Variants in IGSF11 observed in about 807,000 individuals in gnomAD.
IGSF11 encodes immunoglobulin superfamily member 11, also known as CXADR like 1.
In IGSF11, 22 loss-of-function variants were observed where a neutral mutation model predicts 41.0. That is an observed-to-expected ratio of 0.54 (90% CI 0.38 to 0.77). The LOEUF (loss-of-function observed/expected upper bound fraction) is 0.77. Among genes scored for constraint, IGSF11 ranks in the 30% least tolerant of loss-of-function variants. The pLI is 0.00. For missense variants in IGSF11, 444 were observed against 530.8 expected, an observed-to-expected ratio of 0.84 and a Z score of 1.61; for synonymous variants, 219 against 201.3, an observed-to-expected ratio of 1.09 and a Z score of -0.74.
chr3:119,010,077 A>AAAGTCATG (rs1695144060), intron 1 of IGSF11, among the ~76,000 whole-genome samples: 1 of 152,246 alleles, frequency 6.6e-6, no homozygotes, highest in Admixed American at 6.5e-5. Context: ...AAAAGTAGAG[A>AAAGTCATG]AAGTCATGCA....
intron 1 of IGSF11, among the ~76,000 whole-genome samples, chr3:119,097,185 G>A (rs927461094): frequency 6.6e-6 from 1 of 152,058 alleles, no homozygotes; most frequent in African/African-American, 2.4e-5. Context: ...ACATCTTTGG[G>A]AGCCCCTATT....
At position 118,940,908 on chromosome 3, in the gene IGSF11, C is replaced by CAA. The variant is rs374776493; in HGVS notation, c.53-10635_53-10634dup. On this transcript the variant is annotated intron_variant, in intron 1 of 6. Coordinates refer to ENST00000393775, the MANE Select transcript of IGSF11 (RefSeq NM_001015887.3). The stretch of plus-strand genomic sequence containing the variant: ...GGGGGAAAAAATAATCTCCATATGC[C>CAA]AAAAAAAAAAAAAAAAACACCTCTA... Among the ~76,000 whole-genome samples, 57 of 99,854 alleles carry CAA rather than the reference C, an allele frequency of 5.7e-4. 1 individual carries two copies. The highest frequency in any genetic ancestry group is 9.0e-4 in the Non-Finnish European group (39 of 43,526). The allele number at this position is 99,854 out of a possible 152,430, so 65.5% of individuals were successfully genotyped here. A position where few individuals can be genotyped will look rare whatever the true frequency, so the allele number is the denominator to read the frequency against.
intron 1 of IGSF11, among the ~76,000 whole-genome samples, chr3:119,084,798 G>C (rs553692563): frequency 6.6e-6 from 1 of 152,202 alleles, no homozygotes; most frequent in African/African-American, 2.4e-5. Context: ...CCAGAACCCA[G>C]TCCTGAGGAC....
At chr3:119,052,370 C>T (rs986963219) in intron 1 of IGSF11, among the ~76,000 whole-genome samples, 1 of 150,570 alleles carries the variant, frequency 6.6e-6, no homozygotes, top group African/African-American at 2.4e-5. Flanking sequence ...ATCCCAGCTA[C>T]TCAGGAGGCT....
chr3:119,104,413 G>A (rs1314404141), intron 1 of IGSF11, among the ~76,000 whole-genome samples: 1 of 152,062 alleles, frequency 6.6e-6, no homozygotes, highest in Non-Finnish European at 1.5e-5. Context: ...TCTTTGCCTG[G>A]AATAGGCTTC....
At chr3:118,972,056 A>G (rs557664454) in intron 1 of IGSF11, among the ~76,000 whole-genome samples, 2 of 152,202 alleles carry the variant, frequency 1.3e-5, no homozygotes, top group African/African-American at 4.8e-5. Flanking sequence ...ATGCATTTCT[A>G]TCTTTAAGGA....
intron 2 of IGSF11, 149 bp downstream of exon 2, chr3:118,929,963 A>G: frequency 1.7e-6 from 1 of 573,680 alleles, no homozygotes; most frequent in Non-Finnish European, 2.9e-6. Flanking sequence ...AGTGACTGAT[A>G]GGGCAGAGGA....
At chr3:119,063,962 T>G (rs1942137969) in intron 1 of IGSF11, among the ~76,000 whole-genome samples, 1 of 152,192 alleles carries the variant, frequency 6.6e-6, no homozygotes, top group African/African-American at 2.4e-5. Context: ...AATGTCTTGA[T>G]GAGTAGGCCA....
intron 1 of IGSF11, among the ~76,000 whole-genome samples, chr3:119,005,421 C>T (rs1460092208): frequency 2.6e-5 from 4 of 151,082 alleles, no homozygotes; most frequent in South Asian, 4.2e-4. Flanking sequence ...TTATCCAACT[C>T]GCCAGTCTGT....
At chr3:118,995,020 C>T (rs1445736911) in intron 1 of IGSF11, among the ~76,000 whole-genome samples, 2 of 152,044 alleles carry the variant, frequency 1.3e-5, no homozygotes, top group African/African-American at 2.4e-5. Context: ...CAAAATTAAG[C>T]GTCATGCAAA....
At chr3:119,141,306 T>C (rs1476080208) in intron 1 of IGSF11, among the ~76,000 whole-genome samples, 3 of 151,544 alleles carry the variant, frequency 2.0e-5, no homozygotes, top group Non-Finnish European at 4.4e-5. Context: ...GAGGCCTATA[T>C]TTTAAAAGCA....
intron 1 of IGSF11, among the ~76,000 whole-genome samples, chr3:119,001,893 C>G (rs1355092134): frequency 2.3e-5 from 3 of 130,068 alleles, no homozygotes; most frequent in African/African-American, 3.4e-5. Flanking sequence ...TGGGTTGGTT[C>G]CAAGTCTTTG....
chr3:119,143,173 A>G (rs1038200481), intron 1 of IGSF11, among the ~76,000 whole-genome samples: 3 of 152,210 alleles, frequency 2.0e-5, no homozygotes, highest in African/African-American at 7.2e-5. Context: ...TTTGGTATCT[A>G]TATAGGTGAT....
At chr3:119,052,261 C>G (rs1406611773) in intron 1 of IGSF11, among the ~76,000 whole-genome samples, 1 of 152,070 alleles carries the variant, frequency 6.6e-6, no homozygotes, top group Non-Finnish European at 1.5e-5. Flanking sequence ...GGGTGGATCA[C>G]TTGAGGCCAG....
At position 118,974,912 on chromosome 3, in the gene IGSF11, A is replaced by AT. The variant is rs1195906442; in HGVS notation, c.53-44638dup. Among the ~76,000 whole-genome samples the AT allele has an allele frequency of 2.7e-5, 4 of 150,474 alleles. No homozygotes were observed. In the South Asian group the frequency reaches 8.3e-4, roughly 31 times the overall value. On this transcript the variant is annotated intron_variant, in intron 1 of 6. Transcript: ENST00000393775. ...TGGTGACAAGAAAGCAACATAACAG[A>AT]TAACAAAAAAAAAAAATTGCCCTTC...
At chr3:118,961,484 T>C (rs1472428515) in intron 1 of IGSF11, among the ~76,000 whole-genome samples, 6 of 152,214 alleles carry the variant, frequency 3.9e-5, no homozygotes, top group Non-Finnish European at 7.3e-5. Context: ...AAAATTTGTT[T>C]AAAATGTTCA....
chr3:119,119,525 G>A (rs767397884), intron 1 of IGSF11, among the ~76,000 whole-genome samples: 57 of 152,136 alleles, frequency 3.7e-4, no homozygotes, highest in Admixed American at 1.3e-4. Flanking sequence ...ACAACCAAAC[G>A]ATATCAGGGT....
intron 1 of IGSF11, among the ~76,000 whole-genome samples, chr3:118,934,647 G>A (rs1943105212): frequency 6.6e-6 from 1 of 152,156 alleles, no homozygotes; most frequent in Non-Finnish European, 1.5e-5. Flanking sequence ...TCAAAAGTGT[G>A]CTTGTCCAAG....
intron 4 of IGSF11, among the ~76,000 whole-genome samples, chr3:118,921,343 T>G (rs572203778): frequency 6.6e-6 from 1 of 152,252 alleles, no homozygotes; most frequent in South Asian, 2.1e-4. Flanking sequence ...GGAAGGAAAT[T>G]TATGCAAGTT....
Sources: allele counts gnomAD v4.1 joint callset (sites outside exome capture counted in the v4.1 genomes callset), GRCh38; gene constraint gnomAD v4.1.1; transcripts MANE v1.5; gene names NCBI Gene and HGNC (gene_info 2026-07-23, HGNC 2026-07-21).